The following ICE1 variants were observed in gnomAD, a reference collection of about 807,000 sequenced individuals.
The protein encoded by ICE1 is interactor of little elongation complex ELL subunit 1.
ICE1 carries 64 observed loss-of-function variants against 192.7 expected under a neutral mutation model. The observed-to-expected ratio is 0.33, with a 90% CI of 0.27 to 0.41. ICE1 has a LOEUF of 0.41. Among genes scored for constraint, ICE1 ranks in the 10% least tolerant of loss-of-function variants. The pLI is 1.00. For missense variants in ICE1, 2,708 were observed against 2,696.0 expected, an observed-to-expected ratio of 1.00 and a Z score of -0.10; for synonymous variants, 1,010 against 984.5, an observed-to-expected ratio of 1.03 and a Z score of -0.49.
chr5:5,454,647 G>A lies in ICE1; in HGVS notation c.691+9G>A, dbSNP rs1239738217. On this transcript the variant is annotated intron_variant, in intron 11 of 18. Transcript: ENST00000296564. ...CAGCAGGTGTGTCCCAGGTGAGAGA[G>A]AAGCTTACAGAAACCGATTTCATAT... The A allele has an allele frequency of 6.2e-7, 1 of 1,609,228 alleles. No individual in the cohort carries two copies. The highest frequency in any genetic ancestry group is 1.3e-5 in the African/African-American group (1 of 74,918).
At chr5:5,460,230 G>C (rs897180791) in intron 12 of ICE1, among the ~76,000 whole-genome samples, 1 of 152,124 alleles carries the variant, frequency 6.6e-6, no homozygotes, top group African/African-American at 2.4e-5. Flanking sequence ...CGGGGTGCTG[G>C]GCACCCTTAA....
chr5:5,452,823 A>C (rs1738464671), intron 10 of ICE1, among the ~76,000 whole-genome samples: 1 of 152,154 alleles, frequency 6.6e-6, no homozygotes. Flanking sequence ...AAATAAATTA[A>C]ATAAATAAAT....
In ICE1 at chr5:5,486,725, T is replaced by A; in HGVS notation, c.6525T>A (p.Arg2175=). The change falls in exon 18 of 19, where the codon CGT becomes CGA. Residue 2175 remains arginine (R), a synonymous_variant. Transcript: ENST00000296564. ...IIASILRLIG[R]LGQLGLKEGF... ...ATTTTGGTTTGTTTCCCCTAGGTCG[T>A]TTAGGCCAATTGGGTTTGAAAGAAG... The A allele has an allele frequency of 6.3e-7, 1 of 1,594,614 alleles. No individual in the cohort carries two copies. Among genetic ancestry groups the A allele is most frequent in the Non-Finnish European group, 8.6e-7 (1 of 1,169,224 alleles).
intron 15 of ICE1, among the ~76,000 whole-genome samples, chr5:5,469,961 C>T (rs367708547): frequency 2.6e-5 from 4 of 152,162 alleles, no homozygotes; most frequent in East Asian, 3.9e-4. Flanking sequence ...GGGCTGCCAG[C>T]TTCCGGAGAG....
rs943057883 is a variant in ICE1 at position 5,469,059 on chromosome 5, GTATT to G, written c.6222+74_6222+77del. 16 of 1,130,178 alleles carry G rather than the reference GTATT, an allele frequency of 1.4e-5. No homozygotes were observed. In the African/African-American group the frequency reaches 2.6e-4, roughly 18 times the overall value. 70.0% of individuals were successfully genotyped at this position (1,130,178 alleles called of 1,614,324 possible). On this transcript the variant is annotated intron_variant, in intron 15 of 18. Coordinates refer to ENST00000296564, the MANE Select transcript of ICE1 (RefSeq NM_015325.3). The stretch of plus-strand genomic sequence containing the variant: ...ATATAAATGTTAATTATTTTGTTGT[GTATT>G]TAGTTTTATATTAGTTCATAGGCAT...
intron 7 of ICE1, among the ~76,000 whole-genome samples, chr5:5,447,109 A>T (rs1036996997): frequency 6.6e-6 from 1 of 152,202 alleles, no homozygotes; most frequent in Non-Finnish European, 1.5e-5. Context: ...GTTGCCAGTG[A>T]TTGAAATGGG....
At chr5:5,454,399 AACTG>A (rs1357950977) in intron 10 of ICE1, among the ~76,000 whole-genome samples, 149 bp from the exon 11 acceptor site, 1 of 152,214 alleles carries the variant, frequency 6.6e-6, no homozygotes, top group Non-Finnish European at 1.5e-5. Context: ...TTTTATCAGT[AACTG>A]ACTGTATTGT....
chr5:5,482,633 G>A lies in ICE1; in HGVS notation c.6521-4088G>A, dbSNP rs140461234. Among the ~76,000 whole-genome samples, 805 of 152,292 alleles carry A rather than the reference G, an allele frequency of 5.3e-3. 6 individuals carry two copies. Among genetic ancestry groups the A allele is most frequent in the African/African-American group, 0.018 (755 of 41,562 alleles). On this transcript the variant is annotated intron_variant, in intron 17 of 18. Coordinates refer to ENST00000296564, the MANE Select transcript of ICE1 (RefSeq NM_015325.3). ...TCCTTTTCGTGCCGTGGCACTATAC[G>A]CAGGAGATGGGACTCAGAGCGAGGC...
intron 17 of ICE1, among the ~76,000 whole-genome samples, chr5:5,477,344 A>G (rs892941627): frequency 6.6e-5 from 10 of 152,358 alleles, no homozygotes; most frequent in African/African-American, 2.4e-4. Flanking sequence ...CTGCCATCAG[A>G]GAATACTGTA....
intron 3 of ICE1, among the ~76,000 whole-genome samples, chr5:5,439,491 G>T (rs532647596): frequency 6.6e-6 from 1 of 152,080 alleles, no homozygotes. Flanking sequence ...TATGGTTTTT[G>T]TAAGTACATA....
At chr5:5,483,062 C>T (rs555977542) in intron 17 of ICE1, among the ~76,000 whole-genome samples, 4 of 152,250 alleles carry the variant, frequency 2.6e-5, no homozygotes, top group Non-Finnish European at 4.4e-5. Context: ...GTGATCTCAG[C>T]TCACTGCAAC....
At position 5,460,712 on chromosome 5, in the gene ICE1, G is replaced by T. The variant is rs1198026183; in HGVS notation, c.1378G>T (p.Gly460Cys). 1 of 1,613,916 alleles carries T rather than the reference G, an allele frequency of 6.2e-7. No homozygotes were observed. The highest frequency in any genetic ancestry group is 8.5e-7 in the Non-Finnish European group (1 of 1,179,904). Reference protein sequence around the residue: ...RESSATHSLVGEKHWTTASRS... With the variant: ...RESSATHSLVCEKHWTTASRS... ...ATCTTCTGCCACACACTCCTTAGTT[G>T]GTGAAAAACACTGGACCACAGCATC... Residue 460 changes from glycine to cysteine, a missense_variant, in exon 13 of 19, where the codon GGT becomes TGT. Coordinates refer to ENST00000296564, the MANE Select transcript of ICE1 (RefSeq NM_015325.3).
At chr5:5,431,488 A>G (rs148615731) in intron 1 of ICE1, among the ~76,000 whole-genome samples, 1 of 152,268 alleles carries the variant, frequency 6.6e-6, no homozygotes, top group African/African-American at 2.4e-5. Context: ...CCTGAGAAAG[A>G]ATGTCTGGGA....
chr5:5,461,778 C>T lies in ICE1; in HGVS notation c.2444C>T (p.Thr815Ile). 2 of 1,613,898 alleles carry T rather than the reference C, an allele frequency of 1.2e-6. No individual in the cohort carries two copies. The highest frequency in any genetic ancestry group is 1.7e-6 in the Non-Finnish European group (2 of 1,179,836). The change falls in exon 13 of 19, where the codon ACT becomes ATT. Residue 815 changes from threonine (T) to isoleucine (I), a missense_variant. Thr to Ile is a moderately conservative substitution (Grantham distance 89, BLOSUM62 -1). Transcript: ENST00000296564. ...LRAKSEHEQKTSHQLQKAMPF... is the reference protein window; with the variant it reads ...LRAKSEHEQKISHQLQKAMPF... ...GCCAAATCAGAACATGAACAGAAGA[C>T]TAGCCATCAGTTACAAAAGGCAATG...
chr5:5,453,170 A>C (rs995097670), intron 10 of ICE1, among the ~76,000 whole-genome samples: 1 of 152,108 alleles, frequency 6.6e-6, no homozygotes, highest in East Asian at 1.9e-4. Flanking sequence ...TGGTCAGGTC[A>C]TTTAAGCAAA....
chr5:5,445,085 C>G lies in ICE1; in HGVS notation c.424+759C>G, dbSNP rs137932426. On this transcript the variant is annotated intron_variant, in intron 7 of 18. Transcript: ENST00000296564. ...CGGGCATCTTACCTGCTATGGGTTTCTGACCCATTATCTTGCTAGTGCTCT... is the reference window on the plus strand; with the variant it reads ...CGGGCATCTTACCTGCTATGGGTTTGTGACCCATTATCTTGCTAGTGCTCT... Among the ~76,000 whole-genome samples the G allele has an allele frequency of 8.1e-3, 1,235 of 152,328 alleles. 10 individuals carry two copies. The highest frequency in any genetic ancestry group is 0.013 in the Non-Finnish European group (893 of 68,032).
At chr5:5,469,566 G>T (rs1161999354) in intron 15 of ICE1, among the ~76,000 whole-genome samples, 1 of 152,086 alleles carries the variant, frequency 6.6e-6, no homozygotes, top group Non-Finnish European at 1.5e-5. Context: ...TTCAAGAAGA[G>T]GTACTGAAGC....
rs1737343972 is a variant in ICE1 at position 5,422,761 on chromosome 5, GC to G, written c.-151del. 1 of 399,136 alleles carries G rather than the reference GC, an allele frequency of 2.5e-6. No individual in the cohort carries two copies. Among genetic ancestry groups the G allele is most frequent in the South Asian group, 1.3e-4 (1 of 7,602 alleles). 24.7% of individuals were successfully genotyped at this position (399,136 alleles called of 1,614,324 possible). The stretch of plus-strand genomic sequence containing the variant: ...CTCTGGCTCGGAGAGCCTTTTGCTA[GC>G]CCCACGGGGACCTCTGTGCACGGAT... On this transcript the variant is annotated 5_prime_UTR_variant, in exon 1 of 19. Coordinates refer to ENST00000296564, the MANE Select transcript of ICE1 (RefSeq NM_015325.3).
chr5:5,435,239 G>A (rs1737834343), intron 1 of ICE1, among the ~76,000 whole-genome samples: 1 of 152,156 alleles, frequency 6.6e-6, no homozygotes, highest in African/African-American at 2.4e-5. Flanking sequence ...CAGATGGTGA[G>A]ATTACAAGAG....
Sources: gnomAD v4.1 joint callset for allele counts (sites outside exome capture counted in the v4.1 genomes callset) on GRCh38, gnomAD v4.1.1 for gene constraint, MANE v1.5 for transcripts, NCBI Gene and HGNC (gene_info 2026-07-23, HGNC 2026-07-21) for gene names.